The following KLHL40 variants were observed in gnomAD, a reference collection of about 807,000 sequenced individuals.
KLHL40 encodes the protein kelch like family member 40, also known as kelch-like protein 40.
A neutral mutation model predicts 49.7 loss-of-function variants in KLHL40; 44 were observed. The ratio of observed to expected loss-of-function variants is 0.89; its 90% CI spans 0.70 to 1.14. The LOEUF is 1.14. Ranked by LOEUF, KLHL40 falls within the 50% of genes most tolerant of loss-of-function variation. The pLI, the probability that KLHL40 is intolerant of heterozygous loss-of-function variation, is 0.00. For synonymous variants in KLHL40, 409 were observed against 365.2 expected (o/e 1.12, Z -1.37); for missense variants, 892 against 850.3 (o/e 1.05, Z -0.61).
chr3:42,686,493 C>T lies in KLHL40; in HGVS notation c.875C>T (p.Ala292Val). ...EADKGTSKAK[A>V]EEDEEAERIL... The stretch of plus-strand genomic sequence containing the variant: ...GATAAGGGCACAAGCAAAGCCAAAG[C>T]AGAGGAGGATGAGGAGGCCGAACGT... The change falls in exon 1 of 6, where the codon GCA (alanine) becomes GTA (valine). Residue 292 changes from alanine (A) to valine (V), a missense_variant. By Grantham distance (64) the Ala-to-Val change is moderately conservative (BLOSUM62 0). Transcript: ENST00000287777. The T allele has an allele frequency of 6.2e-7, 1 of 1,614,122 alleles. No individual in the cohort carries two copies. Among genetic ancestry groups the T allele is most frequent in the Non-Finnish European group, 8.5e-7 (1 of 1,180,014 alleles).
At chr3:42,689,961 G>T (rs940617599) in intron 4 of KLHL40, among the ~76,000 whole-genome samples, 41 of 152,288 alleles carry the variant, frequency 2.7e-4, no homozygotes, top group South Asian at 2.3e-3. Context: ...CTTAGCTATT[G>T]ATTGGATGTG....
Position 42,685,712 on chromosome 3 carries a change from T to C in KLHL40, c.94T>C (p.Phe32Leu). Residue 32 changes from phenylalanine (F) to leucine (L), a missense_variant, in exon 1 of 6, where the codon TTC (phenylalanine) becomes CTC (leucine). Transcript: ENST00000287777. ...GLKDMLDHGK[F>L]LDCVVRAGER... ...CAAAGACATGCTGGACCATGGCAAGTTCCTCGACTGTGTGGTGCGGGCGGG... is the reference window on the plus strand; with the variant it reads ...CAAAGACATGCTGGACCATGGCAAGCTCCTCGACTGTGTGGTGCGGGCGGG... 8 of 1,613,136 alleles carry C rather than the reference T, an allele frequency of 5.0e-6. No individual in the cohort carries two copies. The highest frequency in any genetic ancestry group is 6.8e-6 in the Non-Finnish European group (8 of 1,179,800).
At chr3:42,690,733 G>A in intron 4 of KLHL40, 126 bp from the exon 5 acceptor site, 1 of 923,374 alleles carries the variant, frequency 1.1e-6, no homozygotes, top group Non-Finnish European at 1.6e-6. Flanking sequence ...GAATGGGGTT[G>A]GGGGCATGGG....
Position 42,691,138 on chromosome 3 carries a change from A to G in KLHL40, c.1754+133A>G, listed in dbSNP as rs970140605. 6.6e-5 allele frequency: 58 copies of G among 878,568 alleles called. No homozygotes were observed. In the African/African-American group the frequency reaches 8.8e-4, roughly 13 times the overall value. 54.4% of individuals were successfully genotyped at this position (878,568 alleles called of 1,614,324 possible). A position where few individuals can be genotyped will look rare whatever the true frequency, so the allele number is the denominator to read the frequency against. ...GGATCCCTCTTCTAGGGAGTCCTGTAGGGAGGAATAGCCAACATACCCTGC... is the reference window on the plus strand; with the variant it reads ...GGATCCCTCTTCTAGGGAGTCCTGTGGGGAGGAATAGCCAACATACCCTGC... On this transcript the variant is annotated intron_variant, in intron 5 of 5. Transcript: ENST00000287777.
Position 42,686,077 on chromosome 3 carries a change from C to T in KLHL40, c.459C>T (p.Arg153=). ...GCGCGCGTCTCGCCGTGGCTGCCCGCGACTTCATCTGCGCTCACTTCACGC... is the reference window on the plus strand; with the variant it reads ...GCGCGCGTCTCGCCGTGGCTGCCCGTGACTTCATCTGCGCTCACTTCACGC... ...LDCARLAVAA[R]DFICAHFTLV... Residue 153 remains arginine (R), a synonymous_variant, in exon 1 of 6, where the codon CGC becomes CGT. Coordinates refer to ENST00000287777, the MANE Select transcript of KLHL40 (RefSeq NM_152393.4). 1.2e-6 allele frequency: 2 copies of T among 1,603,598 alleles called. No individual in the cohort carries two copies. The highest frequency in any genetic ancestry group is 1.1e-5 in the South Asian group (1 of 91,076).
Position 42,685,550 on chromosome 3 carries a change from C to A in KLHL40, c.-69C>A, listed in dbSNP as rs184388431. ...AGACAGCTGCTCAGTCTAAGCAAAC[C>A]CCAGCAGGAAAGCAGGGGTACAGAG... is the stretch of plus-strand genomic sequence containing the variant. On this transcript the variant is annotated 5_prime_UTR_variant, in exon 1 of 6. Coordinates refer to ENST00000287777, the MANE Select transcript of KLHL40 (RefSeq NM_152393.4). 6.8e-7 allele frequency: 1 copy of A among 1,469,164 alleles called. No individual in the cohort carries two copies. Among genetic ancestry groups the A allele is most frequent in the Non-Finnish European group, 9.1e-7 (1 of 1,095,610 alleles). The allele number at this position is 1,469,164 out of a possible 1,614,324, so 91.0% of individuals were successfully genotyped here. A position where few individuals can be genotyped will look rare whatever the true frequency, so the allele number is the denominator to read the frequency against.
chr3:42,688,745 G>A lies in KLHL40; in HGVS notation c.1421+28G>A, dbSNP rs199526988. On this transcript the variant is annotated intron_variant, in intron 3 of 5. Transcript: ENST00000287777. This position sits in a 1 kb window ranked among gnomAD's most constrained non-coding sequence, Gnocchi z 4.2. ...GAGGCTGGGCCTGGAGTGAGTCTGT[G>A]GAGCAGAGGTAGAATCTCCCAGAGG... is the stretch of plus-strand genomic sequence containing the variant. The A allele has an allele frequency of 9.1e-4, 1,456 of 1,598,230 alleles. 4 individuals are homozygous for A. The highest frequency in any genetic ancestry group is 1.0e-3 in the South Asian group (95 of 90,754).
chr3:42,690,871 C>T lies in KLHL40; in HGVS notation c.1620C>T (p.Phe540=), dbSNP rs199888675. 4.2e-4 allele frequency: 677 copies of T among 1,608,954 alleles called. 9 individuals are homozygous for T. The South Asian group carries it at 6.4e-3, about 15-fold the overall frequency. Residue 540 remains phenylalanine (F), a synonymous_variant, in exon 5 of 6, where the codon TTC becomes TTT. Coordinates refer to ENST00000287777, the MANE Select transcript of KLHL40 (RefSeq NM_152393.4). ...CACACACCCCCAGGTGGGCACCCTT[C>T]GAGGCCTTCCCACAGGAGCGTAGCT... ...YSITDNKWAP[F]EAFPQERSSL...
In KLHL40 at chr3:42,685,782, G is replaced by A. The variant is rs1697260624; in HGVS notation, c.164G>A (p.Ser55Asn). 1.2e-6 allele frequency: 2 copies of A among 1,612,290 alleles called. No individual in the cohort carries two copies. Among genetic ancestry groups the A allele is most frequent in the Non-Finnish European group, 1.7e-6 (2 of 1,179,624 alleles). Reference sequence around the variant, plus strand: ...CATCGCCTGGTGCTGGCCGCCTGCAGCCCCTACTTCCGGGCGCGCTTTCTA... The same window carrying A: ...CATCGCCTGGTGCTGGCCGCCTGCAACCCCTACTTCCGGGCGCGCTTTCTA... ...PCHRLVLAACSPYFRARFLAE... is the reference protein window; with the variant it reads ...PCHRLVLAACNPYFRARFLAE... Residue 55 changes from serine to asparagine, a missense_variant, in exon 1 of 6, where the codon AGC becomes AAC. Ser to Asn is a conservative substitution (Grantham distance 46). Coordinates refer to ENST00000287777, the MANE Select transcript of KLHL40 (RefSeq NM_152393.4).
Position 42,688,753 on chromosome 3 carries a change from G to C in KLHL40, c.1421+36G>C, listed in dbSNP as rs778644721. On this transcript the variant is annotated intron_variant, in intron 3 of 5. Coordinates refer to ENST00000287777, the MANE Select transcript of KLHL40 (RefSeq NM_152393.4). The surrounding 1 kb of genome is among the most constrained non-coding windows in gnomAD (Gnocchi z 4.2). Reference sequence around the variant, plus strand: ...GCCTGGAGTGAGTCTGTGGAGCAGAGGTAGAATCTCCCAGAGGCTGTCAGG... The same window carrying C: ...GCCTGGAGTGAGTCTGTGGAGCAGACGTAGAATCTCCCAGAGGCTGTCAGG... The C allele has an allele frequency of 2.5e-6, 4 of 1,595,192 alleles. No individual in the cohort carries two copies. The South Asian group carries it at 3.3e-5, about 13-fold the overall frequency.
Position 42,686,376 on chromosome 3 carries a change from A to T in KLHL40, c.758A>T (p.Lys253Met). The T allele has an allele frequency of 6.2e-7, 1 of 1,613,422 alleles. No homozygotes were observed. Among genetic ancestry groups the T allele is most frequent in the Non-Finnish European group, 8.5e-7 (1 of 1,179,954 alleles). ...CGTGCCCAGCCCGAGTTGCTGCGCA[A>T]GGTGCAGATGGTGAAGGATGCACAC... ...LVRAQPELLR[K>M]VQMVKDAHEG... Residue 253 changes from lysine (K) to methionine (M), a missense_variant, in exon 1 of 6, where the codon AAG (lysine) becomes ATG (methionine). By Grantham distance (95) the Lys-to-Met change is moderately conservative (BLOSUM62 -1). Transcript: ENST00000287777.
At position 42,692,467 on chromosome 3, in the gene KLHL40, G is replaced by A. The variant is rs1697391050; in HGVS notation, c.*474G>A. ...CAGTGCTCCAAGAGTCAGTGAGCAG[G>A]TGTGTTGAAGACTTGGGGCTTCAGT... On this transcript the variant is annotated 3_prime_UTR_variant, in exon 6 of 6. Transcript: ENST00000287777. 6 of 496,006 alleles carry A rather than the reference G, an allele frequency of 1.2e-5. No individual in the cohort carries two copies. Among genetic ancestry groups the A allele is most frequent in the South Asian group, 7.3e-5 (3 of 41,012 alleles). 30.7% of individuals were successfully genotyped at this position (496,006 alleles called of 1,614,324 possible).
chr3:42,692,075 G>A lies in KLHL40; in HGVS notation c.*82G>A. The A allele has an allele frequency of 1.2e-6, 1 of 834,030 alleles. No homozygotes were observed. The highest frequency in any genetic ancestry group is 2.1e-6 in the Non-Finnish European group (1 of 482,546). 51.7% of individuals were successfully genotyped at this position (834,030 alleles called of 1,614,324 possible). Reference sequence around the variant, plus strand: ...GGCCTTGTGGGGGCTCCAGAAAAGAGGCTAGGAGAGGCCAGAGTCTACCTG... The same window carrying A: ...GGCCTTGTGGGGGCTCCAGAAAAGAAGCTAGGAGAGGCCAGAGTCTACCTG... On this transcript the variant is annotated 3_prime_UTR_variant, in exon 6 of 6. Coordinates refer to ENST00000287777, the MANE Select transcript of KLHL40 (RefSeq NM_152393.4).
At chr3:42,687,753 C>T (rs868815558) in intron 1 of KLHL40, among the ~76,000 whole-genome samples, 1 of 151,906 alleles carries the variant, frequency 6.6e-6, no homozygotes, top group African/African-American at 2.4e-5. Flanking sequence ...TTTTACAGGG[C>T]GAAAAGGCAG....
intron 4 of KLHL40, 67 bp from the exon 5 acceptor site, chr3:42,690,791 TG>T (rs1697350858): frequency 1.3e-6 from 2 of 1,511,952 alleles, no homozygotes; most frequent in Non-Finnish European, 1.8e-6. Context: ...CTGTGGGTGC[TG>T]GGTGGCAGGG....
Position 42,692,178 on chromosome 3 carries a change from G to T in KLHL40, c.*185G>T. The T allele has an allele frequency of 1.7e-6, 1 of 574,448 alleles. No individual in the cohort carries two copies. The highest frequency in any genetic ancestry group is 2.8e-5 in the East Asian group (1 of 35,162). The allele number at this position is 574,448 out of a possible 1,614,324, so 35.6% of individuals were successfully genotyped here. A position where few individuals can be genotyped will look rare whatever the true frequency, so the allele number is the denominator to read the frequency against. On this transcript the variant is annotated 3_prime_UTR_variant, in exon 6 of 6. Transcript: ENST00000287777. ...GCTTAGTCCTGGACTTTTGGGCAAG[G>T]GTGAGAAACTAGAGGCTTCTCCAGT...
At position 42,688,481 on chromosome 3, in the gene KLHL40, G is replaced by C. The variant is rs1697309142; in HGVS notation, c.1314-129G>C. 3 of 970,036 alleles carry C rather than the reference G, an allele frequency of 3.1e-6. No individual in the cohort carries two copies. The highest frequency in any genetic ancestry group is 4.7e-6 in the Non-Finnish European group (3 of 632,840). 60.1% of individuals were successfully genotyped at this position (970,036 alleles called of 1,614,324 possible). ...TGGGATCAAAGAACTGAGAGGCCTCGGAAGTTCCAGCAATGGATCTGACGC... is the reference window on the plus strand; with the variant it reads ...TGGGATCAAAGAACTGAGAGGCCTCCGAAGTTCCAGCAATGGATCTGACGC... On this transcript the variant is annotated intron_variant, in intron 2 of 5. Coordinates refer to ENST00000287777, the MANE Select transcript of KLHL40 (RefSeq NM_152393.4). This position sits in a 1 kb window ranked among gnomAD's most constrained non-coding sequence, Gnocchi z 4.2.
At chr3:42,691,449 T>G (rs367761404) in intron 5 of KLHL40, among the ~76,000 whole-genome samples, 32 of 152,146 alleles carry the variant, frequency 2.1e-4, no homozygotes, top group African/African-American at 7.2e-4. Context: ...AGAAGGAAAC[T>G]TTAGCCTCTG....
Position 42,688,945 on chromosome 3 carries a change from C to T in KLHL40, c.1498C>T (p.Arg500Cys), listed in dbSNP as rs758188096. 1.2e-5 allele frequency: 20 copies of T among 1,613,992 alleles called. No individual in the cohort carries two copies. The highest frequency in any genetic ancestry group is 4.0e-5 in the African/African-American group (3 of 74,916). Reference protein sequence around the residue: ...WKELAPMQTARSLFGATVHDG... With the variant: ...WKELAPMQTACSLFGATVHDG... ...GGAGCTGGCACCCATGCAGACCGCC[C>T]GCTCACTCTTTGGGGCCACTGTCCA... Residue 500 changes from arginine (R) to cysteine (C), a missense_variant, in exon 4 of 6, where the codon CGC (arginine) becomes TGC (cysteine). Transcript: ENST00000287777. The surrounding 1 kb of genome is among the most constrained non-coding windows in gnomAD (Gnocchi z 4.2).
Sources: gnomAD v4.1 joint callset for allele counts (sites outside exome capture counted in the v4.1 genomes callset) on GRCh38, gnomAD v4.1.1 for gene constraint, Gnocchi (gnomAD v3.1) non-coding constraint, MANE v1.5 for transcripts, NCBI Gene and HGNC (gene_info 2026-07-23, HGNC 2026-07-21) for gene names.